PPDPFL: variants seen among roughly 807,000 people sequenced by gnomAD.
PPDPFL encodes pancreatic progenitor cell differentiation and proliferation factor-like protein.
Under a neutral mutation model 12.6 loss-of-function variants are expected in PPDPFL, and 12 were observed. That is an observed-to-expected ratio of 0.95 (90% CI 0.61 to 1.54). The LOEUF is 1.54. PPDPFL is among the 40% of genes most tolerant of loss of function. PPDPFL has a pLI of 0.00. For missense variants in PPDPFL, 114 were observed against 96.0 expected, an observed-to-expected ratio of 1.19 and a Z score of -0.78; for synonymous variants, 24 against 32.7, an observed-to-expected ratio of 0.73 and a Z score of 0.91.
intron 1 of PPDPFL, among the ~76,000 whole-genome samples, chr8:49,063,314 C>G (rs1808242929): frequency 6.6e-6 from 1 of 152,190 alleles, no homozygotes. Context: ...TTGGTGCCAG[C>G]TTCCAGAACT....
chr8:49,069,112 T>C (rs994091093), upstream of PPDPFL, among the ~76,000 whole-genome samples: 4 of 152,200 alleles, frequency 2.6e-5, no homozygotes, highest in Non-Finnish European at 5.9e-5. Context: ...AAAACGTTAG[T>C]AATGATAAAA....
At chr8:49,059,381 C>T (rs756653965) in intron 1 of PPDPFL, among the ~76,000 whole-genome samples, 9 of 152,070 alleles carry the variant, frequency 5.9e-5, no homozygotes, top group Non-Finnish European at 1.0e-4. Flanking sequence ...AAGGCTTAGT[C>T]TAGAAATACT....
chr8:49,069,534 TG>T (rs1808346783), upstream of PPDPFL, among the ~76,000 whole-genome samples: 1 of 152,210 alleles, frequency 6.6e-6, no homozygotes, highest in African/African-American at 2.4e-5. Flanking sequence ...TATACGCTGT[TG>T]GTGGGAGTGG....
chr8:49,070,234 G>A (rs56057508), upstream of PPDPFL, among the ~76,000 whole-genome samples: 1 of 151,878 alleles, frequency 6.6e-6, no homozygotes, highest in African/African-American at 2.4e-5. Context: ...AGACACTGGG[G>A]TCTATTGGAG....
Position 49,076,036 on chromosome 8 carries a change from C to T in PPDPFL, c.*863C>T, listed in dbSNP as rs527838865. 61 of 151,986 alleles carry T rather than the reference C, an allele frequency of 4.0e-4. No homozygotes were observed. The highest frequency in any genetic ancestry group is 1.4e-3 in the African/African-American group (58 of 41,466). 9.4% of individuals were successfully genotyped at this position (151,986 alleles called of 1,614,324 possible). On this transcript the variant is annotated 3_prime_UTR_variant, in exon 5 of 5. Coordinates refer to ENST00000522267, the MANE Select transcript of PPDPFL (RefSeq NM_001256597.2). Reference sequence around the variant, plus strand: ...TATTTTTCCATATCTCCCAATTTTTCTAATATGACAAGTATTGTGCGTAAT... The same window carrying T: ...TATTTTTCCATATCTCCCAATTTTTTTAATATGACAAGTATTGTGCGTAAT...
chr8:49,061,837 A>G (rs550190503), intron 1 of PPDPFL, among the ~76,000 whole-genome samples: 1 of 152,344 alleles, frequency 6.6e-6, no homozygotes, highest in East Asian at 1.9e-4. Flanking sequence ...TCCAAGGGGA[A>G]GGCCTCTCCG....
upstream of PPDPFL, among the ~76,000 whole-genome samples, chr8:49,071,024 TCTC>T (rs1215735010): frequency 6.6e-6 from 1 of 152,106 alleles, no homozygotes; most frequent in East Asian, 1.9e-4. Context: ...TTGGCCAACA[TCTC>T]CTGACTCCCC....
At position 49,075,497 on chromosome 8, in the gene PPDPFL, C is replaced by A; in HGVS notation, c.*324C>A. The A allele has an allele frequency of 3.5e-6, 2 of 578,432 alleles. No homozygotes were observed. The highest frequency in any genetic ancestry group is 6.2e-6 in the Non-Finnish European group (2 of 324,978). 35.8% of individuals were successfully genotyped at this position (578,432 alleles called of 1,614,324 possible). A position where few individuals can be genotyped will look rare whatever the true frequency, so the allele number is the denominator to read the frequency against. ...TCTTTGAAAAGTGTGCCTTTAGAAACAAGACACCCTTTTAAAGTAATATGT... is the reference window on the plus strand; with the variant it reads ...TCTTTGAAAAGTGTGCCTTTAGAAAAAAGACACCCTTTTAAAGTAATATGT... On this transcript the variant is annotated 3_prime_UTR_variant, in exon 5 of 5. Coordinates refer to ENST00000522267, the MANE Select transcript of PPDPFL (RefSeq NM_001256597.2).
chr8:49,074,401 G>T, intron 4 of PPDPFL, 68 bp downstream of exon 4: 4 of 1,578,472 alleles, frequency 2.5e-6, no homozygotes, highest in Non-Finnish European at 3.5e-6. Flanking sequence ...TATGGTATGT[G>T]TTATGCTACT....
At chr8:49,071,147 T>G (rs990035828), upstream of PPDPFL, among the ~76,000 whole-genome samples, 46 of 152,178 alleles carry the variant, frequency 3.0e-4, no homozygotes, top group African/African-American at 1.1e-3. Flanking sequence ...TGGAGTAATA[T>G]TTGAAAGGAA....
upstream of PPDPFL, among the ~76,000 whole-genome samples, chr8:49,067,690 A>T (rs2129245040): frequency 6.6e-6 from 1 of 152,352 alleles, no homozygotes; most frequent in South Asian, 2.1e-4. Context: ...TGATAAACAG[A>T]TCATCTCTCA....
At chr8:49,064,561 C>G (rs1808264553) in intron 1 of PPDPFL, among the ~76,000 whole-genome samples, 1 of 151,936 alleles carries the variant, frequency 6.6e-6, no homozygotes, top group South Asian at 2.1e-4. Flanking sequence ...CAGGTTCCCC[C>G]CCAGGACAAG....
At chr8:49,055,758 C>T (rs1808102977) in intron 1 of PPDPFL, among the ~76,000 whole-genome samples, 1 of 152,036 alleles carries the variant, frequency 6.6e-6, no homozygotes, top group African/African-American at 2.4e-5. Flanking sequence ...GACACCATGG[C>T]ATACAAGAAA....
chr8:49,061,497 C>T (rs1428520162), intron 1 of PPDPFL, among the ~76,000 whole-genome samples: 1 of 152,098 alleles, frequency 6.6e-6, no homozygotes, highest in African/African-American at 2.4e-5. Context: ...GTCCAAATGC[C>T]CACAGATGGA....
chr8:49,063,228 G>A (rs1453973526), intron 1 of PPDPFL, among the ~76,000 whole-genome samples: 1 of 152,086 alleles, frequency 6.6e-6, no homozygotes, highest in Non-Finnish European at 1.5e-5. Context: ...AAATTCACAT[G>A]GGCACAATCC....
intron 1 of PPDPFL, among the ~76,000 whole-genome samples, chr8:49,061,649 A>T (rs1171935335): frequency 6.6e-6 from 1 of 152,154 alleles, no homozygotes; most frequent in Non-Finnish European, 1.5e-5. Context: ...GGTGTTGCCA[A>T]TTCATTGGAG....
chr8:49,074,943 G>T, intron 4 of PPDPFL: 1 of 1,375,510 alleles, frequency 7.3e-7, no homozygotes, highest in Non-Finnish European at 9.5e-7. Context: ...GAAATATAGT[G>T]ATTCTGATGA....
chr8:49,073,472 C>A (rs1364033847), intron 2 of PPDPFL, among the ~76,000 whole-genome samples: 1 of 152,128 alleles, frequency 6.6e-6, no homozygotes, highest in Non-Finnish European at 1.5e-5. Context: ...ATAGAAAACT[C>A]TTCTTTCAAG....
rs1336562472 is a variant in PPDPFL, at chr8:49,074,314, AAAG to A, written c.216_218del (p.Lys72_Asp73delinsAsn). The A allele has an allele frequency of 6.2e-7, 1 of 1,613,994 alleles. No individual in the cohort carries two copies. On this transcript the variant is annotated inframe_deletion, in exon 4 of 5. Transcript: ENST00000522267. ...ACCTGTGCTTTCAAATGTGAGAATA[AAAG>A]ATCTGTCTGCTACTGGGTGAGTTTT... is the stretch of plus-strand genomic sequence containing the variant.
Sources: gnomAD v4.1 joint callset for allele counts (sites outside exome capture counted in the v4.1 genomes callset) on GRCh38, gnomAD v4.1.1 for gene constraint, MANE v1.5 for transcripts, NCBI Gene and HGNC (gene_info 2026-07-23, HGNC 2026-07-21) for gene names.